ZNRF3: variants seen among roughly 807,000 people sequenced by gnomAD.
The protein encoded by ZNRF3 is zinc and ring finger 3, also known as E3 ubiquitin-protein ligase ZNRF3.
A neutral mutation model predicts 72.5 loss-of-function variants in ZNRF3; 23 were observed. That is an observed-to-expected ratio of 0.32 (90% CI 0.23 to 0.45). The LOEUF (loss-of-function observed/expected upper bound fraction) is 0.45. ZNRF3 is among the 20% of genes least tolerant of loss of function. The pLI is 1.00. For missense variants in ZNRF3, 1,169 were observed against 1,272.1 expected, an observed-to-expected ratio of 0.92 and a Z score of 1.23; for synonymous variants, 610 against 545.3, an observed-to-expected ratio of 1.12 and a Z score of -1.65.
At chr22:28,933,752 A>ACT (rs372627987) in intron 1 of ZNRF3, among the ~76,000 whole-genome samples, 22,492 of 40,648 alleles carry the variant, frequency 0.55, 6,435 homozygotes, top group Admixed American at 0.63. Context: ...ACACACACTC[A>ACT]CTCTCTCTCT....
At chr22:28,993,003 A>G (rs970720611) in intron 2 of ZNRF3, 1 of 152,282 alleles carries the variant, frequency 6.6e-6, no homozygotes, top group Admixed American at 6.5e-5. Flanking sequence ...AGGGAGCAAG[A>G]TGTTCTTCAA....
intron 1 of ZNRF3, among the ~76,000 whole-genome samples, chr22:28,905,851 C>T (rs1326083293): frequency 6.6e-6 from 1 of 152,088 alleles, no homozygotes; most frequent in East Asian, 1.9e-4. Flanking sequence ...GGATTCTGAG[C>T]GATAAGATAT....
At chr22:28,982,948 T>G (rs977722476) in intron 1 of ZNRF3, among the ~76,000 whole-genome samples, 4 of 152,014 alleles carry the variant, frequency 2.6e-5, no homozygotes, top group African/African-American at 9.7e-5. Flanking sequence ...AGACTTGCAC[T>G]GGAGATGTAA....
intron 1 of ZNRF3, among the ~76,000 whole-genome samples, chr22:28,948,536 T>G (rs191708167): frequency 3.2e-4 from 49 of 152,352 alleles, no homozygotes; most frequent in Non-Finnish European, 6.9e-4. Flanking sequence ...GCAAATCTCT[T>G]TAATGCCTGG....
chr22:28,901,529 C>A (rs1243092299), intron 1 of ZNRF3, among the ~76,000 whole-genome samples: 4 of 152,052 alleles, frequency 2.6e-5, no homozygotes, highest in Middle Eastern at 6.9e-3. Context: ...TAGTATGTGG[C>A]TGCTTTGGCT....
At chr22:28,886,517 C>A (rs1240669813) in intron 1 of ZNRF3, among the ~76,000 whole-genome samples, 1 of 152,144 alleles carries the variant, frequency 6.6e-6, no homozygotes, top group Non-Finnish European at 1.5e-5. Context: ...GCTGAAGATT[C>A]CCAAACATTT....
chr22:29,018,182 C>G (rs16986970), intron 2 of ZNRF3: 1 of 407,646 alleles, frequency 2.5e-6, no homozygotes, highest in Non-Finnish European at 4.9e-6. Context: ...GAAGACAGCT[C>G]AGGGCATCAT....
intron 2 of ZNRF3, among the ~76,000 whole-genome samples, chr22:29,033,263 A>G (rs537431217): frequency 6.6e-6 from 1 of 150,924 alleles, no homozygotes; most frequent in East Asian, 2.0e-4. Flanking sequence ...AGGCAGGATA[A>G]TCGCTTGAAC....
At chr22:29,019,250 G>A (rs906243706) in intron 2 of ZNRF3, among the ~76,000 whole-genome samples, 24 of 152,016 alleles carry the variant, frequency 1.6e-4, no homozygotes, top group African/African-American at 5.6e-4. Context: ...TTCAAGGGGT[G>A]GAAAAATAAG....
intron 1 of ZNRF3, among the ~76,000 whole-genome samples, chr22:28,971,265 G>C (rs1442947750): frequency 6.6e-6 from 1 of 151,998 alleles, no homozygotes; most frequent in Non-Finnish European, 1.5e-5. Context: ...GAGTCAACAA[G>C]TCTACCATAG....
chr22:28,926,080 A>G (rs1014817326), intron 1 of ZNRF3, among the ~76,000 whole-genome samples: 2 of 152,182 alleles, frequency 1.3e-5, no homozygotes, highest in Non-Finnish European at 2.9e-5. Context: ...TTTGCTATGG[A>G]GACCCTGTTG....
At chr22:29,003,894 A>G (rs955475821) in intron 2 of ZNRF3, among the ~76,000 whole-genome samples, 1 of 152,212 alleles carries the variant, frequency 6.6e-6, no homozygotes, top group African/African-American at 2.4e-5. Context: ...GCATACCCCA[A>G]TCCCTCTGTC....
intron 1 of ZNRF3, among the ~76,000 whole-genome samples, chr22:28,900,860 C>T (rs2034088778): frequency 6.6e-6 from 1 of 152,076 alleles, no homozygotes; most frequent in Non-Finnish European, 1.5e-5. Flanking sequence ...ATAATACCAG[C>T]TTTAGGAGGC....
chr22:28,891,284 C>T (rs940451572), intron 1 of ZNRF3, among the ~76,000 whole-genome samples: 2 of 152,172 alleles, frequency 1.3e-5, no homozygotes, highest in Non-Finnish European at 2.9e-5. Flanking sequence ...CCTTCTGTTA[C>T]CCCCGGCTGT....
At chr22:28,921,715 C>G (rs923527702) in intron 1 of ZNRF3, among the ~76,000 whole-genome samples, 2 of 152,194 alleles carry the variant, frequency 1.3e-5, no homozygotes. Context: ...TTCGTATTCC[C>G]CTCTGAACTG....
At position 29,050,861 on chromosome 22, in the gene ZNRF3, C is replaced by G. The variant is rs767739012; in HGVS notation, c.2680C>G (p.Pro894Ala). ...GGCCCTACTGCGGCCTGGCTGCCCTCCGGAGGAGGCGGGTGCTGTCAGGGC... is the reference window on the plus strand; with the variant it reads ...GGCCCTACTGCGGCCTGGCTGCCCTGCGGAGGAGGCGGGTGCTGTCAGGGC... ...ARALLRPGCP[P>A]EEAGAVRANF... Residue 894 changes from proline (P) to alanine (A), a missense_variant, in exon 8 of 9, where the codon CCG (proline) becomes GCG (alanine). By Grantham distance (27) the Pro-to-Ala change is conservative. This residue lies in a region of ZNRF3 where 783 missense variants were observed against 731.4 expected (regional missense o/e 1.07). Coordinates refer to ENST00000544604, the MANE Select transcript of ZNRF3 (RefSeq NM_001206998.2). The G allele has an allele frequency of 1.2e-6, 2 of 1,600,512 alleles. No individual in the cohort carries two copies. The highest frequency in any genetic ancestry group is 1.1e-5 in the South Asian group (1 of 90,368).
At chr22:28,963,478 A>G (rs1012901185) in intron 1 of ZNRF3, among the ~76,000 whole-genome samples, 1 of 151,856 alleles carries the variant, frequency 6.6e-6, no homozygotes, top group Non-Finnish European at 1.5e-5. Context: ...GTAGGGAGGG[A>G]AAAAAACCAC....
chr22:28,956,605 A>G (rs1402915053), intron 1 of ZNRF3, among the ~76,000 whole-genome samples: 1 of 152,190 alleles, frequency 6.6e-6, no homozygotes, highest in Non-Finnish European at 1.5e-5. Flanking sequence ...TGACAAAGAC[A>G]GTTTCCCTGT....
intron 2 of ZNRF3, among the ~76,000 whole-genome samples, chr22:29,011,814 C>G (rs1033829785): frequency 1.3e-5 from 2 of 152,226 alleles, no homozygotes; most frequent in African/African-American, 4.8e-5. Context: ...AATGAAGACC[C>G]TAATTAGAGA....
Sources: allele counts gnomAD v4.1 joint callset (sites outside exome capture counted in the v4.1 genomes callset), GRCh38; gene constraint gnomAD v4.1.1; regional missense constraint gnomAD v4.1.1; transcripts MANE v1.5; gene names NCBI Gene and HGNC (gene_info 2026-07-23, HGNC 2026-07-21).